NEK6: variants seen among roughly 807,000 people sequenced by gnomAD.
NEK6 encodes the protein NIMA related kinase 6.
A neutral mutation model predicts 43.5 loss-of-function variants in NEK6; 27 were observed. The observed-to-expected ratio is 0.62, with a 90% CI of 0.46 to 0.86. The LOEUF (loss-of-function observed/expected upper bound fraction) is 0.86. NEK6 is among the 40% of genes least tolerant of loss of function. The pLI is 0.00. For missense variants in NEK6, 318 were observed against 414.4 expected (o/e 0.77, Z 2.02); for synonymous variants, 167 against 164.1 (o/e 1.02, Z -0.14).
intron 1 of NEK6, chr9:124,261,390 A>G: frequency 1.0e-6 from 1 of 985,280 alleles, no homozygotes; most frequent in African/African-American, 1.7e-5. Flanking sequence ...AGACCAAGCA[A>G]GGGAGTTGGA....
At chr9:124,270,506 C>T (rs1183624276) in intron 1 of NEK6, among the ~76,000 whole-genome samples, 2 of 151,836 alleles carry the variant, frequency 1.3e-5, no homozygotes, top group African/African-American at 4.8e-5. Flanking sequence ...ATGCAAGTTC[C>T]CTTGTTCAAA....
At chr9:124,307,329 T>C (rs941251971) in intron 2 of NEK6, among the ~76,000 whole-genome samples, 4 of 152,226 alleles carry the variant, frequency 2.6e-5, no homozygotes, top group African/African-American at 9.6e-5. Context: ...CTCCCAGTCA[T>C]GCCCTGCCTC....
chr9:124,284,473 G>A (rs957566854), intron 1 of NEK6, among the ~76,000 whole-genome samples: 1 of 152,240 alleles, frequency 6.6e-6, no homozygotes, highest in African/African-American at 2.4e-5. Context: ...ATGGGAGCGT[G>A]GCAGCGACCA....
At chr9:124,285,001 A>AT (rs1324262409) in intron 1 of NEK6, among the ~76,000 whole-genome samples, 1 of 152,178 alleles carries the variant, frequency 6.6e-6, no homozygotes, top group Non-Finnish European at 1.5e-5. Flanking sequence ...GTGGCACGTG[A>AT]TTTTGTGGCT....
chr9:124,321,612 C>T, intron 5 of NEK6, 43 bp downstream of exon 5: 1 of 1,277,226 alleles, frequency 7.8e-7, no homozygotes, highest in Non-Finnish European at 1.1e-6. Flanking sequence ...CTGCGCAGAT[C>T]TGGAGCCAAA....
At position 124,343,255 on chromosome 9, in the gene NEK6, C is replaced by T. The variant is rs867269221; in HGVS notation, c.717+3590C>T. Among the ~76,000 whole-genome samples the T allele has an allele frequency of 3.6e-4, 9 of 25,010 alleles. No homozygotes were observed. Among genetic ancestry groups the T allele is most frequent in the Non-Finnish European group, 6.0e-4 (8 of 13,440 alleles). The allele number at this position is 25,010 out of a possible 152,430, so 16.4% of individuals were successfully genotyped here. A position where few individuals can be genotyped will look rare whatever the true frequency, so the allele number is the denominator to read the frequency against. ...GGGCGGTGAGGGGACGGATCGCAGC[C>T]GGGGGGTGGTACGGGGGATGGATCG... On this transcript the variant is annotated intron_variant, in intron 8 of 9. Transcript: ENST00000320246. This position sits in a 1 kb window ranked among gnomAD's most constrained non-coding sequence, Gnocchi z 5.1.
chr9:124,327,551 G>C lies in NEK6; in HGVS notation c.622+106G>C, dbSNP rs1251026409. ...TGTGTTTGGTCAGTTAGTGCAGGAA[G>C]ATGCCTTTTTTAAGCCCCAGGGTTT... On this transcript the variant is annotated intron_variant, in intron 7 of 9. Coordinates refer to ENST00000320246, the MANE Select transcript of NEK6 (RefSeq NM_014397.6). 3.4e-6 allele frequency: 3 copies of C among 878,228 alleles called. No homozygotes were observed. In the East Asian group the frequency reaches 7.3e-5, roughly 21 times the overall value. The allele number at this position is 878,228 out of a possible 1,614,324, so 54.4% of individuals were successfully genotyped here.
rs1438113601 is a variant in NEK6, at chr9:124,343,666, G to GC, written c.717+4005dup. On this transcript the variant is annotated intron_variant, in intron 8 of 9. Transcript: ENST00000320246. The surrounding 1 kb of genome is among the most constrained non-coding windows in gnomAD (Gnocchi z 5.1). ...CCCGCAGTCACGCCCGGAGCCTCCC[G>GC]CCCCACAGCCTGTGGTGTCTTCCAG... Among the ~76,000 whole-genome samples the GC allele has an allele frequency of 7.2e-5, 11 of 152,118 alleles. No homozygotes were observed. The highest frequency in any genetic ancestry group is 7.2e-4 in the Admixed American group (11 of 15,282).
Position 124,339,584 on chromosome 9 carries a change from C to T in NEK6, c.636C>T (p.Tyr212=). ...TAAHSLVGTP[Y]YMSPERIHEN... is the part of the protein sequence containing the mutation. ...GCTGTGTTGCAGTGGGGACGCCCTA[C>T]TACATGTCACCGGAGAGGATCCATG... Residue 212 remains tyrosine (Y), a synonymous_variant, in exon 8 of 10, where the codon TAC becomes TAT. Coordinates refer to ENST00000320246, the MANE Select transcript of NEK6 (RefSeq NM_014397.6). The T allele has an allele frequency of 6.2e-7, 1 of 1,613,946 alleles. No individual in the cohort carries two copies. Among genetic ancestry groups the T allele is most frequent in the Non-Finnish European group, 8.5e-7 (1 of 1,179,842 alleles).
At chr9:124,321,703 C>G (rs1834074672) in intron 5 of NEK6, 134 bp downstream of exon 5, 1 of 619,370 alleles carries the variant, frequency 1.6e-6, no homozygotes, top group Non-Finnish European at 2.9e-6. Flanking sequence ...TGGGCGCCCC[C>G]CTGCAGATGC....
chr9:124,336,871 T>C (rs1173535180), intron 7 of NEK6, among the ~76,000 whole-genome samples: 4 of 152,000 alleles, frequency 2.6e-5, no homozygotes, highest in Non-Finnish European at 4.4e-5. Flanking sequence ...TAGCTGGGCA[T>C]GATGGCACGT....
chr9:124,292,428 G>C, intron 1 of NEK6: 1 of 1,536,112 alleles, frequency 6.5e-7, no homozygotes, highest in African/African-American at 1.4e-5. Flanking sequence ...GGTTTTGTCT[G>C]CCCCTTCCTG....
In NEK6 at chr9:124,326,202, T is replaced by TCACCCCCCCCCCCCCCCCCC; in HGVS notation, c.406-127_406-126insACCCCCCCCCCCCCCCCCCC. 3 of 124,052 alleles carry TCACCCCCCCCCCCCCCCCCC rather than the reference T, an allele frequency of 2.4e-5. No individual in the cohort carries two copies. Among genetic ancestry groups the TCACCCCCCCCCCCCCCCCCC allele is most frequent in the Non-Finnish European group, 5.9e-5 (3 of 50,618 alleles). 7.7% of individuals were successfully genotyped at this position (124,052 alleles called of 1,614,324 possible). A position where few individuals can be genotyped will look rare whatever the true frequency, so the allele number is the denominator to read the frequency against. On this transcript the variant is annotated intron_variant, in intron 5 of 9. Coordinates refer to ENST00000320246, the MANE Select transcript of NEK6 (RefSeq NM_014397.6). This position sits in a 1 kb window ranked among gnomAD's most constrained non-coding sequence, Gnocchi z 4.5. ...GCTTATTGTTTGCTCAGTGGCTCAATCCCCCCCCCCCGCCCCTGCCAGGCA... is the reference window on the plus strand; with the variant it reads ...GCTTATTGTTTGCTCAGTGGCTCAATCACCCCCCCCCCCCCCCCCCCCCCCCCCCCCGCCCCTGCCAGGCA...
At chr9:124,281,966 A>G (rs929444012) in intron 1 of NEK6, among the ~76,000 whole-genome samples, 1 of 152,222 alleles carries the variant, frequency 6.6e-6, no homozygotes, top group Non-Finnish European at 1.5e-5. Context: ...CAGACACAGA[A>G]GTGGAGCCCG....
Position 124,269,664 on chromosome 9 carries a change from G to A in NEK6, c.-30+11579G>A, listed in dbSNP as rs1009436050. Among the ~76,000 whole-genome samples the A allele has an allele frequency of 7.2e-5, 11 of 152,254 alleles. 1 individual carries two copies. The highest frequency in any genetic ancestry group is 4.6e-4 in the Admixed American group (7 of 15,298). ...AGGAAGGTGATGTCTGTAAAATGTCGGATGGGATTGGAAGGCACAAGGAAT... is the reference window on the plus strand; with the variant it reads ...AGGAAGGTGATGTCTGTAAAATGTCAGATGGGATTGGAAGGCACAAGGAAT... On this transcript the variant is annotated intron_variant, in intron 1 of 9. Coordinates refer to ENST00000320246, the MANE Select transcript of NEK6 (RefSeq NM_014397.6).
At chr9:124,313,425 A>G (rs1187148429) in intron 3 of NEK6, among the ~76,000 whole-genome samples, 1 of 151,934 alleles carries the variant, frequency 6.6e-6, no homozygotes, top group African/African-American at 2.4e-5. Context: ...GCTGTAGTGC[A>G]GTGGCGTGAT....
At chr9:124,328,171 G>A (rs757150504) in intron 7 of NEK6, among the ~76,000 whole-genome samples, 1 of 152,178 alleles carries the variant, frequency 6.6e-6, no homozygotes, top group African/African-American at 2.4e-5. Flanking sequence ...GCAAGCTTCA[G>A]TATCCACACA....
intron 7 of NEK6, among the ~76,000 whole-genome samples, chr9:124,334,881 C>T (rs921138128): frequency 6.6e-6 from 1 of 152,182 alleles, no homozygotes; most frequent in African/African-American, 2.4e-5. Context: ...GTGACCTCTC[C>T]CCACAGCATC....
chr9:124,301,033 G>A lies in NEK6; in HGVS notation c.-29-903G>A, dbSNP rs545739093. Among the ~76,000 whole-genome samples, 7 of 152,328 alleles carry A rather than the reference G, an allele frequency of 4.6e-5. No individual in the cohort carries two copies. The East Asian group carries it at 1.4e-3, about 29-fold the overall frequency. Reference sequence around the variant, plus strand: ...ATGTGGGAGCCCTGGCACACAGGAGGTGCTGCAGAAATGCTTGTGGGGTGA... The same window carrying A: ...ATGTGGGAGCCCTGGCACACAGGAGATGCTGCAGAAATGCTTGTGGGGTGA... On this transcript the variant is annotated intron_variant, in intron 1 of 9. Transcript: ENST00000320246.
Sources: gnomAD v4.1 joint callset for allele counts (sites outside exome capture counted in the v4.1 genomes callset) on GRCh38, gnomAD v4.1.1 for gene constraint, Gnocchi (gnomAD v3.1) non-coding constraint, MANE v1.5 for transcripts, NCBI Gene and HGNC (gene_info 2026-07-23, HGNC 2026-07-21) for gene names.